The following URI1 variants were observed in gnomAD, a reference collection of about 807,000 sequenced individuals.
The protein encoded by URI1 is URI1 prefoldin like chaperone.
URI1 carries 39 observed loss-of-function variants against 60.2 expected under a neutral mutation model. The observed-to-expected ratio is 0.65, with a 90% confidence interval of 0.50 to 0.85. The LOEUF is 0.85. Ranked by LOEUF, URI1 falls within the 40% of genes least tolerant of loss-of-function variation. The pLI is 0.00. For missense variants in URI1, 691 were observed against 665.9 expected, an observed-to-expected ratio of 1.04 and a Z score of -0.42; for synonymous variants, 251 against 236.8, an observed-to-expected ratio of 1.06 and a Z score of -0.55.
intron 4 of URI1, among the ~76,000 whole-genome samples, chr19:29,992,020 T>G (rs2055752802): frequency 6.6e-6 from 1 of 152,166 alleles, no homozygotes; most frequent in African/African-American, 2.4e-5. Context: ...GGCGTATATT[T>G]TTCCATTTCT....
At chr19:29,954,964 A>G (rs1255770498) in intron 1 of URI1, among the ~76,000 whole-genome samples, 2 of 151,684 alleles carry the variant, frequency 1.3e-5, no homozygotes, top group Non-Finnish European at 2.9e-5. Flanking sequence ...TAAATGATAA[A>G]CCTGGGAATT....
rs374293383 is a variant in URI1 at position 29,986,353 on chromosome 19, G to T, written c.303G>T (p.Gly101=). Residue 101 remains glycine, a synonymous_variant, in exon 4 of 11, where the codon GGG becomes GGT. Transcript: ENST00000392271. ...CTAATGAAGTCACTGTTTTACTGGG[G>T]GACAACTGGTTTGCAAAGTGCTCAG... The part of the protein sequence containing the change: ...VHTNEVTVLL[G]DNWFAKCSAK... 1.9e-6 allele frequency: 3 copies of T among 1,610,508 alleles called. No individual in the cohort carries two copies. Among genetic ancestry groups the T allele is most frequent in the African/African-American group, 2.7e-5 (2 of 74,678 alleles).
chr19:29,998,738 A>G (rs2055842780), intron 4 of URI1, among the ~76,000 whole-genome samples: 1 of 151,930 alleles, frequency 6.6e-6, no homozygotes, highest in Non-Finnish European at 1.5e-5. Context: ...ATATAGTTGG[A>G]TCCTTTTTTT....
chr19:29,975,159 G>A (rs2055504965), intron 2 of URI1, among the ~76,000 whole-genome samples: 1 of 151,974 alleles, frequency 6.6e-6, no homozygotes, highest in African/African-American at 2.4e-5. Context: ...TCTCCAAACT[G>A]CTGTCCACAG....
intron 4 of URI1, among the ~76,000 whole-genome samples, chr19:29,991,554 A>ATT (rs1030488405): frequency 1.3e-5 from 2 of 151,016 alleles, no homozygotes; most frequent in Non-Finnish European, 3.0e-5. Context: ...AATAGCTCCT[A>ATT]TTTTTTTTTA....
At chr19:29,942,114 C>A (rs139392958), upstream of URI1, 2 of 644,458 alleles carry the variant, frequency 3.1e-6, no homozygotes, top group African/African-American at 2.0e-5. Flanking sequence ...CCAGCGCGGA[C>A]ACCGCCAGCC....
chr19:29,992,181 C>G (rs371854178), intron 4 of URI1, among the ~76,000 whole-genome samples: 1 of 152,068 alleles, frequency 6.6e-6, no homozygotes, highest in East Asian at 1.9e-4. Flanking sequence ...GTGGTTCTCC[C>G]GCCTCAGCCT....
chr19:29,938,533 T>C (rs2054993256), upstream of URI1, among the ~76,000 whole-genome samples: 1 of 152,186 alleles, frequency 6.6e-6, no homozygotes, highest in African/African-American at 2.4e-5. Flanking sequence ...ACCATGTTAG[T>C]GGCCCTCTAT....
At chr19:29,998,518 ATTG>A (rs1301364308) in intron 4 of URI1, among the ~76,000 whole-genome samples, 2 of 152,088 alleles carry the variant, frequency 1.3e-5, no homozygotes, top group Non-Finnish European at 2.9e-5. Context: ...TGTATTTATA[ATTG>A]TTGTATCTTG....
chr19:29,960,884 T>TAA (rs568746817), intron 1 of URI1, among the ~76,000 whole-genome samples: 1 of 152,268 alleles, frequency 6.6e-6, no homozygotes, highest in South Asian at 2.1e-4. Context: ...GACTGTGTCT[T>TAA]GCTTTGTCAC....
intron 4 of URI1, among the ~76,000 whole-genome samples, chr19:29,995,189 C>G (rs2055796349): frequency 6.6e-6 from 1 of 151,986 alleles, no homozygotes; most frequent in Non-Finnish European, 1.5e-5. Flanking sequence ...ACATTCTTGT[C>G]AACACTTGTT....
At position 29,952,976 on chromosome 19, in the gene URI1, T is replaced by C. The variant is rs144980828; in HGVS notation, c.117+10312T>C. On this transcript the variant is annotated intron_variant, in intron 1 of 10. Coordinates refer to ENST00000392271, the MANE Select transcript of URI1 (RefSeq NM_003796.3). ...TGCCAGATCCAAGGTCTTGAAGATT[T>C]ATACCTATGTTTCCTTCTAGGGATT... Among the ~76,000 whole-genome samples the C allele has an allele frequency of 1.1e-4, 17 of 152,354 alleles. No homozygotes were observed. The East Asian group carries it at 3.3e-3, about 29-fold the overall frequency.
chr19:29,955,301 CTG>C (rs1433167012), intron 1 of URI1, among the ~76,000 whole-genome samples: 4 of 151,920 alleles, frequency 2.6e-5, no homozygotes, highest in Non-Finnish European at 4.4e-5. Context: ...TGCTTTATGT[CTG>C]TGTCATCAGA....
At chr19:29,993,487 A>T (rs1405843198) in intron 4 of URI1, among the ~76,000 whole-genome samples, 3 of 152,198 alleles carry the variant, frequency 2.0e-5, no homozygotes, top group Non-Finnish European at 4.4e-5. Flanking sequence ...TTTAAAATGT[A>T]ATGTCTGTTA....
upstream of URI1, among the ~76,000 whole-genome samples, chr19:29,939,729 G>A (rs964525386): frequency 1.2e-4 from 19 of 152,212 alleles, no homozygotes; most frequent in East Asian, 9.6e-4. Flanking sequence ...ATGGCAAGGA[G>A]GCAACCATGG....
At chr19:29,956,991 T>C in intron 1 of URI1, 1 of 797,962 alleles carries the variant, frequency 1.3e-6, no homozygotes. Context: ...GTCTTCATTC[T>C]CACAGTAAAC....
intron 2 of URI1, among the ~76,000 whole-genome samples, chr19:29,980,922 CAAAA>C (rs5827686): frequency 1.5e-5 from 1 of 68,572 alleles, no homozygotes; most frequent in East Asian, 3.9e-4. Flanking sequence ...ACTCCATCTC[CAAAA>C]AAAAAAAAAA....
chr19:29,977,875 T>A (rs1486942088), intron 2 of URI1, among the ~76,000 whole-genome samples: 1 of 152,138 alleles, frequency 6.6e-6, no homozygotes, highest in Non-Finnish European at 1.5e-5. Context: ...GGTTTTTAAA[T>A]GTTTATTCTG....
chr19:29,961,247 CTTT>C (rs764946990), intron 1 of URI1, among the ~76,000 whole-genome samples: 6 of 128,726 alleles, frequency 4.7e-5, no homozygotes, highest in Admixed American at 7.9e-5. Context: ...ATCTCCAGGC[CTTT>C]TTTTTTTTTT....
Sources: allele counts gnomAD v4.1 joint callset (sites outside exome capture counted in the v4.1 genomes callset), GRCh38; gene constraint gnomAD v4.1.1; transcripts MANE v1.5; gene names NCBI Gene and HGNC (gene_info 2026-07-23, HGNC 2026-07-21).